Variants in VPS8 observed in about 807,000 individuals in gnomAD.
VPS8 encodes the protein vacuolar protein sorting-associated protein 8 homolog.
In VPS8, 129 loss-of-function variants were observed where a neutral mutation model predicts 216.4. The ratio of observed to expected loss-of-function variants is 0.60; its 90% CI spans 0.52 to 0.69. The LOEUF is 0.69. Among genes scored for constraint, VPS8 ranks in the 30% least tolerant of loss-of-function variants. The pLI, the probability that VPS8 is intolerant of heterozygous loss-of-function variation, is 0.00. For missense variants in VPS8, 1,531 were observed against 1,683.5 expected, an observed-to-expected ratio of 0.91 and a Z score of 1.59; for synonymous variants, 571 against 565.4, an observed-to-expected ratio of 1.01 and a Z score of -0.14.
chr3:184,833,117 G>A (rs1577784305), intron 4 of VPS8, among the ~76,000 whole-genome samples: 1 of 152,286 alleles, frequency 6.6e-6, no homozygotes, highest in Middle Eastern at 3.4e-3. Context: ...GTGGAAACAT[G>A]CAGCTTGGTT....
intron 46 of VPS8, among the ~76,000 whole-genome samples, chr3:185,044,854 G>T (rs1712503652): frequency 6.6e-6 from 1 of 152,190 alleles, no homozygotes; most frequent in South Asian, 2.1e-4. Flanking sequence ...GAGAATGAGG[G>T]TCTATGAAGA....
At chr3:185,034,414 T>A (rs1233201551) in intron 46 of VPS8, among the ~76,000 whole-genome samples, 1 of 152,234 alleles carries the variant, frequency 6.6e-6, no homozygotes, top group Non-Finnish European at 1.5e-5. Flanking sequence ...TTTTTTCATA[T>A]GTTTATTGGC....
intron 1 of VPS8, among the ~76,000 whole-genome samples, chr3:184,822,110 GA>G (rs1248531625): frequency 1.3e-5 from 2 of 152,002 alleles, no homozygotes; most frequent in Non-Finnish European, 2.9e-5. Context: ...TCACAGATAG[GA>G]ACTCATAAAG....
In VPS8 at chr3:184,869,016, GAAAAGC is replaced by G. The variant is rs1473975408; in HGVS notation, c.1585_1590del (p.Lys529_Ala530del). 6.2e-7 allele frequency: 1 copy of G among 1,608,402 alleles called. No individual in the cohort carries two copies. Among genetic ancestry groups the G allele is most frequent in the Non-Finnish European group, 8.5e-7 (1 of 1,177,480 alleles). ...GCTCTTGCGTGGTCTTTCCATGAAG[GAAAAGC>G]AAAAGCAGTAGTGGGTGAGTAGGCA... On this transcript the variant is annotated inframe_deletion, in exon 19 of 48. Transcript: ENST00000625842.
chr3:184,836,371 C>T (rs1421830533), intron 5 of VPS8: 1 of 454,676 alleles, frequency 2.2e-6, no homozygotes, highest in East Asian at 7.0e-5. Flanking sequence ...CAAGATGAAC[C>T]AGAACAGTCA....
chr3:184,901,227 T>G, intron 25 of VPS8: 2 of 405,140 alleles, frequency 4.9e-6, no homozygotes, highest in Non-Finnish European at 8.8e-6. Context: ...GTCACTATAC[T>G]TCATGTAAAT....
intron 36 of VPS8, among the ~76,000 whole-genome samples, chr3:184,948,634 A>C (rs535445138): frequency 1.8e-4 from 28 of 152,148 alleles, no homozygotes; most frequent in Non-Finnish European, 3.4e-4. Flanking sequence ...GGGTGAATTC[A>C]TTTTTGCTTG....
intron 21 of VPS8, among the ~76,000 whole-genome samples, chr3:184,880,819 G>A (rs556719501): frequency 3.3e-5 from 5 of 152,262 alleles, no homozygotes; most frequent in African/African-American, 7.2e-5. Context: ...TCTACATCCA[G>A]CATTTGATGA....
At chr3:184,977,888 T>C (rs989813084) in intron 40 of VPS8, among the ~76,000 whole-genome samples, 9 of 149,646 alleles carry the variant, frequency 6.0e-5, no homozygotes, top group African/African-American at 1.9e-4. Context: ...TTTTTTCTTT[T>C]TTTTTTTTTT....
At chr3:184,904,550 G>A (rs1034257875) in intron 25 of VPS8, among the ~76,000 whole-genome samples, 2 of 152,108 alleles carry the variant, frequency 1.3e-5, no homozygotes, top group African/African-American at 4.8e-5. Context: ...ATCTCACTTG[G>A]TATATAATCT....
At chr3:184,898,749 C>A in intron 24 of VPS8, 95 bp downstream of exon 24, 1 of 986,044 alleles carries the variant, frequency 1.0e-6, no homozygotes, top group Non-Finnish European at 1.5e-6. Flanking sequence ...TAGTTTTATC[C>A]AATTATTTAA....
chr3:184,826,456 T>C (rs1205622836), intron 3 of VPS8, among the ~76,000 whole-genome samples: 1 of 152,172 alleles, frequency 6.6e-6, no homozygotes, highest in Non-Finnish European at 1.5e-5. Flanking sequence ...GGCTAGTGGC[T>C]ACTATATGGC....
At chr3:184,913,669 A>T (rs1736987781) in intron 26 of VPS8, 108 bp downstream of exon 26, 2 of 897,680 alleles carry the variant, frequency 2.2e-6, no homozygotes, top group Non-Finnish European at 3.2e-6. Flanking sequence ...AATTTTGCAC[A>T]ATTCTTTTAT....
chr3:185,007,045 A>G (rs1754358801), intron 45 of VPS8, among the ~76,000 whole-genome samples: 1 of 152,212 alleles, frequency 6.6e-6, no homozygotes, highest in South Asian at 2.1e-4. Flanking sequence ...CAGACGTAAT[A>G]GTTGCCTGCC....
At chr3:184,992,987 A>G (rs1241529358) in intron 42 of VPS8, among the ~76,000 whole-genome samples, 3 of 152,160 alleles carry the variant, frequency 2.0e-5, no homozygotes, top group African/African-American at 7.2e-5. Context: ...TGGTGGCTGG[A>G]GTTTGGGAAA....
At chr3:184,851,165 T>G (rs187339458) in intron 10 of VPS8, among the ~76,000 whole-genome samples, 24 of 151,980 alleles carry the variant, frequency 1.6e-4, no homozygotes, top group Non-Finnish European at 2.9e-5. Context: ...GAAATCCTTT[T>G]GCAGAAAAAA....
At chr3:185,003,815 G>A (rs533143485) in intron 45 of VPS8, among the ~76,000 whole-genome samples, 5,763 of 150,158 alleles carry the variant, frequency 0.038, 318 homozygotes, top group African/African-American at 0.13. Context: ...GGCGGCTGCC[G>A]GGCGGAGGGT....
intron 16 of VPS8, among the ~76,000 whole-genome samples, chr3:184,865,965 G>C (rs541240637): frequency 3.3e-5 from 5 of 151,480 alleles, no homozygotes; most frequent in Non-Finnish European, 7.4e-5. Flanking sequence ...TCCAGCCTGG[G>C]GGACAGAGTG....
In VPS8 at chr3:184,834,681, ATGGATCAGT is replaced by A. The variant is rs1020131742; in HGVS notation, c.388_396del (p.Gly130_Val132del). The A allele has an allele frequency of 2.0e-5, 31 of 1,554,266 alleles. No individual in the cohort carries two copies. The highest frequency in any genetic ancestry group is 3.9e-5 in the Admixed American group (2 of 51,518). ...AAATTACCTGATTCTTTTTCACTTC[ATGGATCAGT>A]TATGCGCCATTCACTTTTGAAGGGA... On this transcript the variant is annotated inframe_deletion, in exon 5 of 48. Transcript: ENST00000625842.
Sources: gnomAD v4.1 joint callset for allele counts (sites outside exome capture counted in the v4.1 genomes callset) on GRCh38, gnomAD v4.1.1 for gene constraint, MANE v1.5 for transcripts, NCBI Gene and HGNC (gene_info 2026-07-23, HGNC 2026-07-21) for gene names.